The following IGHMBP2 variants were observed in gnomAD, a reference collection of about 807,000 sequenced individuals.
IGHMBP2 encodes the protein DNA-binding protein SMUBP-2.
Under a neutral mutation model 96.0 loss-of-function variants are expected in IGHMBP2, and 81 were observed. That is an observed-to-expected ratio of 0.84 (90% CI 0.71 to 1.01). The LOEUF is 1.01. Ranked by LOEUF, IGHMBP2 falls within the 50% of genes least tolerant of loss-of-function variation. The pLI is 0.00. For synonymous variants in IGHMBP2, 557 were observed against 548.9 expected (o/e 1.01, Z -0.21); for missense variants, 1,227 against 1,306.3 (o/e 0.94, Z 0.94).
In IGHMBP2 at chr11:68,914,805, C is replaced by T. The variant is rs757672548; in HGVS notation, c.712-18C>T. On this transcript the variant is annotated intron_variant, in intron 5 of 14. Coordinates refer to ENST00000255078, the MANE Select transcript of IGHMBP2 (RefSeq NM_002180.3). Reference sequence around the variant, plus strand: ...TGATTACAAAGTAAATGACCAGATCCTAACTTGCGGTTCCCAGGTTCTGTG... The same window carrying T: ...TGATTACAAAGTAAATGACCAGATCTTAACTTGCGGTTCCCAGGTTCTGTG... The T allele has an allele frequency of 1.2e-6, 2 of 1,613,948 alleles. No homozygotes were observed. The highest frequency in any genetic ancestry group is 1.1e-5 in the South Asian group (1 of 91,084).
chr11:68,904,998 A>G (rs904858992), intron 1 of IGHMBP2, among the ~76,000 whole-genome samples: 9 of 151,882 alleles, frequency 5.9e-5, no homozygotes, highest in Admixed American at 5.9e-4. Context: ...GGGTTTCACC[A>G]TGTTGGCCAG....
intron 1 of IGHMBP2, among the ~76,000 whole-genome samples, chr11:68,905,335 G>A (rs993244555): frequency 6.6e-6 from 1 of 152,204 alleles, no homozygotes; most frequent in Admixed American, 6.5e-5. Flanking sequence ...ATTTATGGCT[G>A]TGTGACTTTG....
At chr11:68,920,206 G>A (rs1039306568) in intron 7 of IGHMBP2, among the ~76,000 whole-genome samples, 4 of 152,166 alleles carry the variant, frequency 2.6e-5, no homozygotes, top group Non-Finnish European at 5.9e-5. Flanking sequence ...TGCCCTCATG[G>A]TTCATCCATG....
rs35995205 is a variant in IGHMBP2 at position 68,929,259 on chromosome 11, G to A, written c.1137G>A (p.Gln379=). 7.4e-6 allele frequency: 12 copies of A among 1,613,776 alleles called. No homozygotes were observed. Among genetic ancestry groups the A allele is most frequent in the Non-Finnish European group, 1.0e-5 (12 of 1,180,028 alleles). ...TGGTGGTCATTGACGAGTGTGCCCA[G>A]GCCCTCGAGGCGAGCTGCTGGATCC... ...FDVVVIDECA[Q]ALEASCWIPL... The change falls in exon 8 of 15, where the codon CAG becomes CAA. Residue 379 remains glutamine, a synonymous_variant. Transcript: ENST00000255078.
chr11:68,921,929 T>TAA (rs1362210609), intron 7 of IGHMBP2, among the ~76,000 whole-genome samples: 4 of 152,370 alleles, frequency 2.6e-5, no homozygotes, highest in Non-Finnish European at 4.4e-5. Context: ...TGCAATATTT[T>TAA]AAAGATGTTG....
intron 8 of IGHMBP2, among the ~76,000 whole-genome samples, chr11:68,931,037 ACT>A (rs1190676254): frequency 6.6e-6 from 1 of 151,966 alleles, no homozygotes; most frequent in Non-Finnish European, 1.5e-5. Flanking sequence ...ATGAGTCCTC[ACT>A]CTGGTCCACA....
Position 68,934,324 on chromosome 11 carries a change from GATGA to G in IGHMBP2, c.1538-139_1538-136del, listed in dbSNP as rs369072777. 330 of 712,832 alleles carry G rather than the reference GATGA, an allele frequency of 4.6e-4. 2 individuals carry two copies. The African/African-American group carries it at 5.0e-3, about 11-fold the overall frequency. 44.2% of individuals were successfully genotyped at this position (712,832 alleles called of 1,614,324 possible). On this transcript the variant is annotated intron_variant, in intron 10 of 14. Coordinates refer to ENST00000255078, the MANE Select transcript of IGHMBP2 (RefSeq NM_002180.3). ...GCTGGTCCTGGGGCCCTGGGACACAGATGATTAGCTCCCAGGAAGCCACCTGAGT... is the reference window on the plus strand; with the variant it reads ...GCTGGTCCTGGGGCCCTGGGACACAGTTAGCTCCCAGGAAGCCACCTGAGT...
chr11:68,909,498 A>G (rs911058224), intron 4 of IGHMBP2, among the ~76,000 whole-genome samples: 1 of 151,556 alleles, frequency 6.6e-6, no homozygotes, highest in African/African-American at 2.4e-5. Flanking sequence ...GTTTTAAAAT[A>G]ATGTTCTTTT....
chr11:68,908,286 C>A lies in IGHMBP2; in HGVS notation c.398C>A (p.Ser133Tyr). ...DFQLSLDREN[S>Y]YRLLKLANDV... ...CAGTTGAGCTTGGACCGAGAGAATT[C>A]CTACAGACTGTTAAAACTTGCCAAT... is the stretch of plus-strand genomic sequence containing the variant. The change falls in exon 3 of 15, where the codon TCC becomes TAC. Residue 133 changes from serine (S) to tyrosine (Y), a missense_variant. By Grantham distance (144) the Ser-to-Tyr change is moderately radical (BLOSUM62 -2). This residue lies in a region of IGHMBP2 where 507 missense variants were observed against 496.9 expected (regional missense o/e 1.02). Transcript: ENST00000255078. 6.2e-7 allele frequency: 1 copy of A among 1,614,108 alleles called. No homozygotes were observed. The highest frequency in any genetic ancestry group is 8.5e-7 in the Non-Finnish European group (1 of 1,180,024).
chr11:68,930,413 T>C, intron 8 of IGHMBP2: 1 of 1,289,640 alleles, frequency 7.8e-7, no homozygotes, highest in Non-Finnish European at 1.0e-6. Context: ...CACAGGGGCG[T>C]GGGCAGCCCA....
At chr11:68,929,490 C>T (rs181077365) in intron 8 of IGHMBP2, 133 bp downstream of exon 8, 47 of 838,662 alleles carry the variant, frequency 5.6e-5, no homozygotes, top group Admixed American at 2.6e-4. Context: ...GCTCCTACCC[C>T]GTCTTACAGC....
At chr11:68,906,409 C>T (rs1163155389) in intron 2 of IGHMBP2, 171 bp downstream of exon 2, 9 of 750,156 alleles carry the variant, frequency 1.2e-5, no homozygotes, top group African/African-American at 6.9e-5. Flanking sequence ...TCTAGATCAG[C>T]GTTGTCCAAA....
At chr11:68,917,978 G>A (rs1325695415) in intron 7 of IGHMBP2, 95 bp downstream of exon 7, 35 of 1,401,224 alleles carry the variant, frequency 2.5e-5, no homozygotes, top group Non-Finnish European at 3.4e-5. Flanking sequence ...TTTAGAATTG[G>A]TATTTCTTTC....
rs779292933 is a variant in IGHMBP2, at chr11:68,903,922, C to G, written c.-31C>G. On this transcript the variant is annotated 5_prime_UTR_variant, in exon 1 of 15. Coordinates refer to ENST00000255078, the MANE Select transcript of IGHMBP2 (RefSeq NM_002180.3). The stretch of plus-strand genomic sequence containing the variant: ...CCGGCCCGGCGCAGAAGCGGGACGT[C>G]GGCTTCTAGGGGCCCAGGCCGGCGG... The G allele has an allele frequency of 8.8e-5, 141 of 1,598,948 alleles. No homozygotes were observed. The highest frequency in any genetic ancestry group is 1.2e-4 in the Non-Finnish European group (140 of 1,172,836).
At chr11:68,908,113 T>G in intron 2 of IGHMBP2, 32 bp from the exon 3 acceptor site, 1 of 1,558,292 alleles carries the variant, frequency 6.4e-7, no homozygotes, top group Non-Finnish European at 8.9e-7. Flanking sequence ...CTTTCCCCAG[T>G]GTCTTGTGTC....
intron 7 of IGHMBP2, among the ~76,000 whole-genome samples, chr11:68,928,421 G>A (rs1360348364): frequency 6.6e-6 from 1 of 152,214 alleles, no homozygotes; most frequent in African/African-American, 2.4e-5. Context: ...AAATTTCTCA[G>A]TATGTCTTCA....
chr11:68,939,755 G>A lies in IGHMBP2; in HGVS notation c.*24G>A, dbSNP rs377522095. ...GACCGGCCGCATCCTTGCACGCCCC[G>A]CGGAGCTCTCTCCATGGTAGCCCAG... On this transcript the variant is annotated 3_prime_UTR_variant, in exon 15 of 15. Transcript: ENST00000255078. 2.0e-5 allele frequency: 31 copies of A among 1,585,986 alleles called. No individual in the cohort carries two copies. The highest frequency in any genetic ancestry group is 8.0e-5 in the South Asian group (7 of 87,406).
At chr11:68,911,872 C>T (rs1858449474) in intron 5 of IGHMBP2, among the ~76,000 whole-genome samples, 2 of 152,358 alleles carry the variant, frequency 1.3e-5, no homozygotes, top group South Asian at 4.1e-4. Flanking sequence ...CGGCCAGGCC[C>T]TGGGTCAGGG....
At chr11:68,922,836 T>C (rs1484217340) in intron 7 of IGHMBP2, among the ~76,000 whole-genome samples, 1 of 152,254 alleles carries the variant, frequency 6.6e-6, no homozygotes, top group Non-Finnish European at 1.5e-5. Context: ...TGAACCTTTA[T>C]ACTTGCTTAT....
Sources: allele counts gnomAD v4.1 joint callset (sites outside exome capture counted in the v4.1 genomes callset), GRCh38; gene constraint gnomAD v4.1.1; regional missense constraint gnomAD v4.1.1; transcripts MANE v1.5; gene names NCBI Gene and HGNC (gene_info 2026-07-23, HGNC 2026-07-21).